CHSY3: variants seen among roughly 807,000 people sequenced by gnomAD.
CHSY3 encodes the protein N-acetylgalactosaminyl-proteoglycan 3-beta-glucuronosyltransferase 3.
A neutral mutation model predicts 67.2 loss-of-function variants in CHSY3; 35 were observed. The ratio of observed to expected loss-of-function variants is 0.52; its 90% CI spans 0.40 to 0.69. CHSY3 has a LOEUF of 0.69. CHSY3 is among the 30% of genes least tolerant of loss of function. The pLI, the probability that CHSY3 is intolerant of heterozygous loss-of-function variation, is 0.00. For synonymous variants in CHSY3, 474 were observed against 434.7 expected (o/e 1.09, Z -1.12); for missense variants, 1,069 against 1,138.5 (o/e 0.94, Z 0.88).
At chr5:129,970,564 C>A (rs528199737) in intron 2 of CHSY3, among the ~76,000 whole-genome samples, 57 of 151,884 alleles carry the variant, frequency 3.8e-4, no homozygotes, top group Non-Finnish European at 6.2e-4. Flanking sequence ...AAAGTGTAAT[C>A]TTATATTTAT....
At chr5:129,958,607 T>C (rs1208521775) in intron 2 of CHSY3, among the ~76,000 whole-genome samples, 1 of 152,152 alleles carries the variant, frequency 6.6e-6, no homozygotes, top group African/African-American at 2.4e-5. Context: ...CACAGATCAC[T>C]GAAGTCTCAA....
intron 2 of CHSY3, among the ~76,000 whole-genome samples, chr5:129,935,035 C>G (rs1402517933): frequency 6.6e-6 from 1 of 152,152 alleles, no homozygotes; most frequent in African/African-American, 2.4e-5. Flanking sequence ...AATTGCCATA[C>G]AAGAAGGACA....
rs1036397876 is a variant in CHSY3 at position 129,905,694 on chromosome 5, T to A, written c.802+63T>A. 8 of 1,571,576 alleles carry A rather than the reference T, an allele frequency of 5.1e-6. No homozygotes were observed. In the Admixed American group the frequency reaches 1.0e-4, roughly 20 times the overall value. On this transcript the variant is annotated intron_variant, in intron 1 of 2. Transcript: ENST00000305031. ...CCCCGACTCCTTTCTCTGTAACCGGTCCTAGCCCCTGCCCAGCCCCTCCGC... is the reference window on the plus strand; with the variant it reads ...CCCCGACTCCTTTCTCTGTAACCGGACCTAGCCCCTGCCCAGCCCCTCCGC...
chr5:130,126,158 A>C (rs1768278565), intron 2 of CHSY3, among the ~76,000 whole-genome samples: 1 of 152,096 alleles, frequency 6.6e-6, no homozygotes, highest in Non-Finnish European at 1.5e-5. Context: ...TTTTCTTATC[A>C]ATATGGAGTC....
intron 2 of CHSY3, among the ~76,000 whole-genome samples, chr5:130,085,222 T>C (rs1766575333): frequency 2.6e-5 from 4 of 152,042 alleles, no homozygotes. Context: ...ATACAATTAT[T>C]ATTTGTCAAT....
At chr5:130,178,213 G>T (rs28390076) in intron 2 of CHSY3, among the ~76,000 whole-genome samples, 24 of 79,502 alleles carry the variant, frequency 3.0e-4, no homozygotes, top group Admixed American at 7.8e-4. Flanking sequence ...ATATATATAT[G>T]TATATATTTA....
chr5:130,084,822 T>C (rs1262940195), intron 2 of CHSY3, among the ~76,000 whole-genome samples: 3 of 151,940 alleles, frequency 2.0e-5, no homozygotes, highest in Non-Finnish European at 4.4e-5. Flanking sequence ...AGAGACTTTA[T>C]CTAAAGACCT....
intron 2 of CHSY3, among the ~76,000 whole-genome samples, chr5:130,094,137 C>G (rs1046186119): frequency 6.6e-6 from 1 of 152,110 alleles, no homozygotes; most frequent in African/African-American, 2.4e-5. Context: ...GATACTTCTC[C>G]AAGAAAGCAC....
At chr5:129,948,645 A>G (rs976459696) in intron 2 of CHSY3, among the ~76,000 whole-genome samples, 1 of 152,190 alleles carries the variant, frequency 6.6e-6, no homozygotes, top group Non-Finnish European at 1.5e-5. Context: ...TGCTATAAAC[A>G]TGTATGTCCA....
chr5:129,927,570 C>T (rs193238750), intron 2 of CHSY3, among the ~76,000 whole-genome samples: 1 of 151,944 alleles, frequency 6.6e-6, no homozygotes, highest in East Asian at 1.9e-4. Flanking sequence ...TCAAATTTGG[C>T]AGACAACTGT....
In CHSY3 at chr5:129,991,048, G is replaced by A. The variant is rs1763348769; in HGVS notation, c.1086+82688G>A. 2.0e-5 allele frequency among the ~76,000 whole-genome samples: 3 copies of A among 152,244 alleles called. No homozygotes were observed. In the South Asian group the frequency reaches 6.2e-4, roughly 32 times the overall value. The stretch of plus-strand genomic sequence containing the variant: ...AGAGCACCAAGGTGAGAGATCACAA[G>A]GAGACAGAAAGTAGATCATTAGAAC... On this transcript the variant is annotated intron_variant, in intron 2 of 2. Coordinates refer to ENST00000305031, the MANE Select transcript of CHSY3 (RefSeq NM_175856.5).
At chr5:130,077,664 A>C (rs1299062906) in intron 2 of CHSY3, among the ~76,000 whole-genome samples, 1 of 152,078 alleles carries the variant, frequency 6.6e-6, no homozygotes, top group African/African-American at 2.4e-5. Flanking sequence ...GTAAATGGAA[A>C]TTTGAACTTA....
chr5:129,948,674 T>A (rs1761937025), intron 2 of CHSY3, among the ~76,000 whole-genome samples: 1 of 152,208 alleles, frequency 6.6e-6, no homozygotes, highest in African/African-American at 2.4e-5. Context: ...TTCCATATAA[T>A]GACTTCCTTT....
intron 2 of CHSY3, among the ~76,000 whole-genome samples, chr5:129,923,098 T>A (rs1760977589): frequency 6.6e-6 from 1 of 152,114 alleles, no homozygotes; most frequent in South Asian, 2.1e-4. Context: ...CAGTGAGAGA[T>A]GAATTTTAAG....
At chr5:130,181,448 T>C (rs1770240649) in intron 2 of CHSY3, among the ~76,000 whole-genome samples, 1 of 152,136 alleles carries the variant, frequency 6.6e-6, no homozygotes, top group African/African-American at 2.4e-5. Flanking sequence ...ATCTCTCTGA[T>C]ATCTTCTCTC....
intron 2 of CHSY3, among the ~76,000 whole-genome samples, chr5:130,000,629 G>A (rs1763693505): frequency 6.7e-6 from 1 of 149,204 alleles, no homozygotes; most frequent in South Asian, 2.1e-4. Flanking sequence ...CTGGAGTGCA[G>A]TGGCACAATC....
At chr5:130,136,755 A>AT (rs1384329849) in intron 2 of CHSY3, among the ~76,000 whole-genome samples, 1 of 152,152 alleles carries the variant, frequency 6.6e-6, no homozygotes, top group Non-Finnish European at 1.5e-5. Flanking sequence ...TGATTTTTTA[A>AT]TTTTTGTGTT....
Position 130,185,074 on chromosome 5 carries a change from G to A in CHSY3, c.1932G>A (p.Met644Ile), listed in dbSNP as rs147357375. 2 of 1,605,156 alleles carry A rather than the reference G, an allele frequency of 1.2e-6. No individual in the cohort carries two copies. Among genetic ancestry groups the A allele is most frequent in the Non-Finnish European group, 1.7e-6 (2 of 1,171,902 alleles). ...GATTCATGGAGAACTTTGAAAACAT[G>A]TGTCTTATCCCAAAGCAGAATGTAA... ...FLRFMENFEN[M>I]CLIPKQNVKL... The change falls in exon 3 of 3, where the codon ATG (methionine) becomes ATA (isoleucine). Residue 644 changes from methionine (M) to isoleucine (I), a missense_variant. Met to Ile is a conservative substitution (Grantham distance 10). Transcript: ENST00000305031.
At chr5:130,069,815 C>G (rs1285343000) in intron 2 of CHSY3, among the ~76,000 whole-genome samples, 1 of 152,016 alleles carries the variant, frequency 6.6e-6, no homozygotes, top group Non-Finnish European at 1.5e-5. Flanking sequence ...TTATGTTTCT[C>G]CTTCTTCTTA....
Sources: gnomAD v4.1 joint callset for allele counts (sites outside exome capture counted in the v4.1 genomes callset) on GRCh38, gnomAD v4.1.1 for gene constraint, MANE v1.5 for transcripts, NCBI Gene and HGNC (gene_info 2026-07-23, HGNC 2026-07-21) for gene names.